Variants in GALNTL6 observed in about 807,000 individuals in gnomAD.
GALNTL6 encodes polypeptide N-acetylgalactosaminyltransferase-like 6.
A neutral mutation model predicts 73.7 loss-of-function variants in GALNTL6; 46 were observed. The ratio of observed to expected loss-of-function variants is 0.62; its 90% CI spans 0.49 to 0.80. GALNTL6 has a LOEUF of 0.80. Among genes scored for constraint, GALNTL6 ranks in the 30% least tolerant of loss-of-function variants. The probability of loss-of-function intolerance (pLI) is 0.00; values close to 1 mark genes in which losing one functional copy is unlikely to be tolerated. For synonymous variants in GALNTL6, 259 were observed against 263.7 expected (o/e 0.98, Z 0.17); for missense variants, 604 against 755.0 (o/e 0.80, Z 2.34).
intron 5 of GALNTL6, among the ~76,000 whole-genome samples, chr4:172,429,098 T>G (rs1355144150): frequency 6.6e-6 from 1 of 151,964 alleles, no homozygotes; most frequent in East Asian, 1.9e-4. Context: ...ATAAAGGAAC[T>G]AATCCTATTC....
At chr4:172,280,069 G>A (rs1181798971) in intron 3 of GALNTL6, among the ~76,000 whole-genome samples, 1 of 152,140 alleles carries the variant, frequency 6.6e-6, no homozygotes, top group Admixed American at 6.5e-5. Context: ...GTAATTGTCA[G>A]GTACTAGGGG....
intron 5 of GALNTL6, among the ~76,000 whole-genome samples, chr4:172,619,392 A>T (rs1738867068): frequency 6.6e-6 from 1 of 152,166 alleles, no homozygotes; most frequent in Non-Finnish European, 1.5e-5. Flanking sequence ...ATGTCTTTTC[A>T]TTCTGCCAAT....
intron 9 of GALNTL6, among the ~76,000 whole-genome samples, chr4:172,935,901 TAG>T (rs1259983278): frequency 6.6e-6 from 1 of 152,060 alleles, no homozygotes; most frequent in Non-Finnish European, 1.5e-5. Flanking sequence ...AAAAAATAGA[TAG>T]AGAGGGAATC....
At chr4:173,031,568 G>C (rs1478840627) in intron 12 of GALNTL6, among the ~76,000 whole-genome samples, 1 of 151,698 alleles carries the variant, frequency 6.6e-6, no homozygotes, top group Non-Finnish European at 1.5e-5. Context: ...CTAGCTTCCT[G>C]TTTGTCCACA....
intron 2 of GALNTL6, among the ~76,000 whole-genome samples, chr4:172,131,182 A>C (rs1230732822): frequency 6.6e-6 from 1 of 151,808 alleles, no homozygotes; most frequent in Non-Finnish European, 1.5e-5. Flanking sequence ...AAAACAAACA[A>C]GAAATCTCTT....
rs144876121 is a variant in GALNTL6 at position 172,701,214 on chromosome 4, C to T, written c.554-108147C>T. Among the ~76,000 whole-genome samples the T allele has an allele frequency of 7.0e-3, 1,067 of 151,966 alleles. 4 individuals carry two copies. Among genetic ancestry groups the T allele is most frequent in the South Asian group, 0.016 (79 of 4,806 alleles). ...TGGAGTTTTCCTTGGTGGGGTTTTACGTCATTAGAACATAGTTCGGTGAGC... is the reference window on the plus strand; with the variant it reads ...TGGAGTTTTCCTTGGTGGGGTTTTATGTCATTAGAACATAGTTCGGTGAGC... On this transcript the variant is annotated intron_variant, in intron 5 of 12. Coordinates refer to ENST00000506823, the MANE Select transcript of GALNTL6 (RefSeq NM_001034845.3).
Position 172,243,450 on chromosome 4 carries a change from A to T in GALNTL6, c.247+13686A>T, listed in dbSNP as rs1028264340. ...ATATATGATTTCATGAAATATAACC[A>T]ATTGTCCAAGGGCTCTAAGTCACAA... On this transcript the variant is annotated intron_variant, in intron 3 of 12. Transcript: ENST00000506823. Among the ~76,000 whole-genome samples, 55 of 152,272 alleles carry T rather than the reference A, an allele frequency of 3.6e-4. 1 individual carries two copies. Among genetic ancestry groups the T allele is most frequent in the African/African-American group, 1.3e-3 (52 of 41,570 alleles).
chr4:172,356,156 A>G (rs896793495), intron 5 of GALNTL6, among the ~76,000 whole-genome samples: 20 of 152,186 alleles, frequency 1.3e-4, no homozygotes, highest in African/African-American at 4.8e-4. Flanking sequence ...GACTTCCTCA[A>G]GAAAAATAAA....
chr4:172,847,330 T>G (rs1426775762), intron 7 of GALNTL6, among the ~76,000 whole-genome samples: 1 of 152,128 alleles, frequency 6.6e-6, no homozygotes, highest in East Asian at 1.9e-4. Context: ...AGCAATACAT[T>G]CTATTCCATT....
chr4:171,983,092 A>G (rs537838115), intron 2 of GALNTL6, among the ~76,000 whole-genome samples: 5 of 152,098 alleles, frequency 3.3e-5, no homozygotes, highest in Non-Finnish European at 5.9e-5. Context: ...TGCTCCTATG[A>G]TTTATATTTT....
chr4:172,843,544 TGA>T (rs558833312), intron 7 of GALNTL6, among the ~76,000 whole-genome samples: 222 of 152,272 alleles, frequency 1.5e-3, no homozygotes, highest in African/African-American at 5.2e-3. Flanking sequence ...TCCTTCCTTG[TGA>T]AAGTCAGGTT....
At chr4:172,763,892 T>G (rs1738252407) in intron 5 of GALNTL6, among the ~76,000 whole-genome samples, 1 of 151,372 alleles carries the variant, frequency 6.6e-6, no homozygotes, top group Admixed American at 6.6e-5. Context: ...TATCAATGAC[T>G]AATAAACAAA....
intron 7 of GALNTL6, among the ~76,000 whole-genome samples, chr4:172,856,658 T>C (rs1039594003): frequency 6.6e-6 from 1 of 152,242 alleles, no homozygotes; most frequent in Non-Finnish European, 1.5e-5. Context: ...TCTGTCTGGC[T>C]TTACAACAGC....
intron 2 of GALNTL6, among the ~76,000 whole-genome samples, chr4:172,101,467 G>A (rs1279856891): frequency 1.3e-5 from 2 of 152,130 alleles, no homozygotes; most frequent in Non-Finnish European, 2.9e-5. Context: ...GAGAGAGAGA[G>A]ATGTATTAAA....
At chr4:172,310,409 T>C (rs150618186) in intron 3 of GALNTL6, among the ~76,000 whole-genome samples, 2,838 of 152,188 alleles carry the variant, frequency 0.019, 75 homozygotes, top group African/African-American at 0.063. Flanking sequence ...TAGCTGAGAT[T>C]GCAGGTGTGT....
At chr4:172,585,314 G>A (rs1737359618) in intron 5 of GALNTL6, among the ~76,000 whole-genome samples, 1 of 151,858 alleles carries the variant, frequency 6.6e-6, no homozygotes, top group Non-Finnish European at 1.5e-5. Context: ...AGGTATACAT[G>A]TGCCATGGTG....
chr4:172,957,210 C>T (rs1036972463), intron 10 of GALNTL6, among the ~76,000 whole-genome samples: 2 of 152,042 alleles, frequency 1.3e-5, no homozygotes, highest in African/African-American at 2.4e-5. Flanking sequence ...AGTAGAATAG[C>T]GGATGGAACA....
chr4:172,307,912 G>T (rs931891707), intron 3 of GALNTL6, among the ~76,000 whole-genome samples: 2 of 149,838 alleles, frequency 1.3e-5, no homozygotes, highest in Non-Finnish European at 3.0e-5. Context: ...ATTTTGATTG[G>T]AATTGCATTA....
chr4:172,808,123 C>T (rs1222246782), intron 5 of GALNTL6, among the ~76,000 whole-genome samples: 1 of 152,166 alleles, frequency 6.6e-6, no homozygotes, highest in East Asian at 1.9e-4. Flanking sequence ...ATGCCCGGCC[C>T]CATCTGTATT....
Sources: allele counts gnomAD v4.1 joint callset (sites outside exome capture counted in the v4.1 genomes callset), GRCh38; gene constraint gnomAD v4.1.1; transcripts MANE v1.5; gene names NCBI Gene and HGNC (gene_info 2026-07-23, HGNC 2026-07-21).